LRP6: variants seen among roughly 807,000 people sequenced by gnomAD.
LRP6 encodes the protein LDL receptor related protein 6.
In LRP6, 43 loss-of-function variants were observed where a neutral mutation model predicts 184.1. The ratio of observed to expected loss-of-function variants is 0.23; its 90% CI spans 0.18 to 0.30. The LOEUF (loss-of-function observed/expected upper bound fraction) is 0.30. LRP6 is among the 10% of genes least tolerant of loss of function. The probability of loss-of-function intolerance (pLI) is 1.00; values close to 1 mark genes in which losing one functional copy is unlikely to be tolerated. For synonymous variants in LRP6, 719 were observed against 684.9 expected (o/e 1.05, Z -0.78); for missense variants, 1,571 against 2,005.3 (o/e 0.78, Z 4.14).
intron 1 of LRP6, among the ~76,000 whole-genome samples, chr12:12,262,647 A>T (rs1469459925): frequency 6.6e-6 from 1 of 152,108 alleles, no homozygotes; most frequent in Non-Finnish European, 1.5e-5. Flanking sequence ...TATCAAAAAT[A>T]CTTCCAGCAG....
chr12:12,127,767 C>T (rs1218188246), intron 19 of LRP6, among the ~76,000 whole-genome samples: 6 of 152,204 alleles, frequency 3.9e-5, no homozygotes, highest in African/African-American at 1.2e-4. Context: ...AATTTTATCT[C>T]ACAGTTGCAG....
intron 12 of LRP6, chr12:12,155,411 G>A (rs950330925): frequency 1.2e-5 from 10 of 857,018 alleles, no homozygotes; most frequent in African/African-American, 6.6e-5. Flanking sequence ...CTGTTCAAAA[G>A]GAATGCCCCA....
At chr12:12,225,821 G>A (rs1478522023) in intron 2 of LRP6, among the ~76,000 whole-genome samples, 1 of 148,916 alleles carries the variant, frequency 6.7e-6, no homozygotes, top group African/African-American at 2.5e-5. Flanking sequence ...GCACTGAGCC[G>A]AGATCACACC....
Position 12,138,326 on chromosome 12 carries a change from G to A in LRP6, c.3606C>T (p.Tyr1202=). ...TAGCTTTATCCCATTAACACTTACT[G>A]TATTCTTGAAGGTTCAGCTCCTTTA... The part of the protein sequence containing the change: ...HAVKELNLQE[Y]RQHPCAQDNG... The change falls in exon 16 of 23, where the codon TAC becomes TAT. Residue 1202 remains tyrosine, a splice_region_variant and synonymous_variant. Transcript: ENST00000261349. 4.3e-6 allele frequency: 7 copies of A among 1,611,694 alleles called. No homozygotes were observed. The highest frequency in any genetic ancestry group is 1.1e-5 in the South Asian group (1 of 91,014).
chr12:12,198,856 A>G (rs1296809389), intron 3 of LRP6, among the ~76,000 whole-genome samples: 2 of 151,848 alleles, frequency 1.3e-5, no homozygotes, highest in African/African-American at 4.8e-5. Context: ...TTATCCTTTC[A>G]CATGTCATAT....
At chr12:12,188,892 G>A (rs1863543989) in intron 3 of LRP6, among the ~76,000 whole-genome samples, 1 of 152,068 alleles carries the variant, frequency 6.6e-6, no homozygotes, top group African/African-American at 2.4e-5. Context: ...AAAATTCATG[G>A]TGGAAACAGA....
chr12:12,216,210 C>A (rs556014198), intron 2 of LRP6, among the ~76,000 whole-genome samples: 21 of 152,054 alleles, frequency 1.4e-4, no homozygotes, highest in Non-Finnish European at 2.6e-4. Flanking sequence ...AGGGAGAAGA[C>A]AGAAAGATTT....
chr12:12,205,650 G>A (rs544354245), intron 2 of LRP6, among the ~76,000 whole-genome samples: 1 of 152,230 alleles, frequency 6.6e-6, no homozygotes, highest in South Asian at 2.1e-4. Flanking sequence ...AATATTATTT[G>A]TTCATCACCA....
intron 7 of LRP6, among the ~76,000 whole-genome samples, chr12:12,173,240 T>G (rs1863091611): frequency 6.6e-6 from 1 of 152,174 alleles, no homozygotes; most frequent in African/African-American, 2.4e-5. Flanking sequence ...TCTGAAAGCC[T>G]CACTGTCCTG....
At chr12:12,264,765 A>G (rs1340756299) in intron 1 of LRP6, among the ~76,000 whole-genome samples, 2 of 140,046 alleles carry the variant, frequency 1.4e-5, no homozygotes, top group African/African-American at 5.0e-5. Context: ...TACTTCAAAT[A>G]ATATGTACTC....
intron 17 of LRP6, among the ~76,000 whole-genome samples, chr12:12,132,455 G>A (rs964266988): frequency 5.3e-5 from 8 of 152,104 alleles, no homozygotes; most frequent in South Asian, 2.1e-4. Flanking sequence ...ACCCTTAGGC[G>A]TTCCTGAGAC....
At chr12:12,125,201 C>T (rs967693080) in intron 21 of LRP6, 95 bp downstream of exon 21, 2 of 1,477,296 alleles carry the variant, frequency 1.4e-6, no homozygotes, top group Non-Finnish European at 9.4e-7. Context: ...TCAAAAACTA[C>T]TTTTACATTA....
chr12:12,145,186 G>A (rs747117484), intron 15 of LRP6, among the ~76,000 whole-genome samples: 12 of 151,838 alleles, frequency 7.9e-5, no homozygotes, highest in Non-Finnish European at 1.5e-4. Flanking sequence ...AAAATTAGAG[G>A]TGATATAAGA....
intron 3 of LRP6, among the ~76,000 whole-genome samples, chr12:12,187,729 TCTTAGCTGA>T (rs1280202979): frequency 1.3e-5 from 2 of 152,202 alleles, no homozygotes; most frequent in East Asian, 3.8e-4. Flanking sequence ...CAAGTGATCA[TCTTAGCTGA>T]CTTTTCACTA....
chr12:12,125,261 T>G lies in LRP6; in HGVS notation c.4449+35A>C. On this transcript the variant is annotated intron_variant, in intron 21 of 22. Transcript: ENST00000261349. ...ATGAGTTAAAAAATCTAAGATCTTA[T>G]GTATGTCGCATTCAAAGGAAAACAG... 1.9e-6 allele frequency: 3 copies of G among 1,611,640 alleles called. No homozygotes were observed. The South Asian group carries it at 3.3e-5, about 18-fold the overall frequency.
At position 12,140,382 on chromosome 12, in the gene LRP6, T is replaced by C. The variant is rs73053359; in HGVS notation, c.3398-1848A>G. On this transcript the variant is annotated intron_variant, in intron 15 of 22. Coordinates refer to ENST00000261349, the MANE Select transcript of LRP6 (RefSeq NM_002336.3). ...AAAGTATAACAAAAACACAAAGAGA[T>C]GGATAATAGGTGAGAAAAATACAGC... 1.8e-3 allele frequency among the ~76,000 whole-genome samples: 277 copies of C among 151,792 alleles called. 1 individual carries two copies. The highest frequency in any genetic ancestry group is 3.4e-3 in the Non-Finnish European group (233 of 67,922).
In LRP6 at chr12:12,187,175, T is replaced by C. The variant is rs941791715; in HGVS notation, c.648-56A>G. ...ATTTCTAAATTTTCTTCTTCTATCA[T>C]AACGTCACCTCTCCCATTAAAATGA... On this transcript the variant is annotated intron_variant, in intron 3 of 22. Transcript: ENST00000261349. 5 of 1,393,760 alleles carry C rather than the reference T, an allele frequency of 3.6e-6. No individual in the cohort carries two copies. The African/African-American group carries it at 5.7e-5, about 16-fold the overall frequency. 86.3% of individuals were successfully genotyped at this position (1,393,760 alleles called of 1,614,324 possible).
intron 5 of LRP6, among the ~76,000 whole-genome samples, chr12:12,183,741 T>C (rs1863400492): frequency 6.6e-6 from 1 of 152,204 alleles, no homozygotes; most frequent in Non-Finnish European, 1.5e-5. Context: ...ACAGAAAAGA[T>C]ACAACACGTA....
chr12:12,261,132 G>A (rs1208792710), intron 1 of LRP6, among the ~76,000 whole-genome samples: 2 of 152,116 alleles, frequency 1.3e-5, no homozygotes, highest in Admixed American at 1.3e-4. Context: ...CTTAAAAATT[G>A]AATCATGGCC....
Sources: gnomAD v4.1 joint callset for allele counts (sites outside exome capture counted in the v4.1 genomes callset) on GRCh38, gnomAD v4.1.1 for gene constraint, MANE v1.5 for transcripts, NCBI Gene and HGNC (gene_info 2026-07-23, HGNC 2026-07-21) for gene names.